TXNDC5: variants seen among roughly 807,000 people sequenced by gnomAD.
TXNDC5 encodes thioredoxin domain containing 5, also known as thioredoxin domain-containing protein 5.
A neutral mutation model predicts 52.6 loss-of-function variants in TXNDC5; 44 were observed. The ratio of observed to expected loss-of-function variants is 0.84; its 90% CI spans 0.66 to 1.08. TXNDC5 has a LOEUF of 1.08. Among genes scored for constraint, TXNDC5 ranks in the 50% least tolerant of loss-of-function variants. The probability of loss-of-function intolerance (pLI) is 0.00; values close to 1 mark genes in which losing one functional copy is unlikely to be tolerated. For synonymous variants in TXNDC5, 241 were observed against 234.4 expected, an observed-to-expected ratio of 1.03 and a Z score of -0.26; for missense variants, 600 against 565.5, an observed-to-expected ratio of 1.06 and a Z score of -0.62.
intron 2 of TXNDC5, among the ~76,000 whole-genome samples, chr6:7,902,847 AATTTGTGACTTTTTAC>A (rs955705751): frequency 5.9e-5 from 9 of 152,024 alleles, no homozygotes; most frequent in African/African-American, 2.2e-4. Context: ...GGCCTTTTTA[AATTTGTGACTTTTTAC>A]ATTTGTGACT....
rs747072122 is a variant in TXNDC5 at position 7,888,736 on chromosome 6, G to A, written c.932C>T (p.Pro311Leu). 69 of 1,613,024 alleles carry A rather than the reference G, an allele frequency of 4.3e-5. No homozygotes were observed. Among genetic ancestry groups the A allele is most frequent in the Middle Eastern group, 1.6e-4 (1 of 6,076 alleles). ...ATETVTPSEA[P>L]VLAAEPEADK... Reference sequence around the variant, plus strand: ...AGCCTCGGGCTCAGCTGCCAGCACCGGGGCCTCTGAGGGCGTGACGGTCTC... The same window carrying A: ...AGCCTCGGGCTCAGCTGCCAGCACCAGGGCCTCTGAGGGCGTGACGGTCTC... Residue 311 changes from proline (P) to leucine (L), a missense_variant, in exon 7 of 10, where the codon CCG becomes CTG. By Grantham distance (98) the Pro-to-Leu change is moderately conservative. Transcript: ENST00000379757.
intron 1 of TXNDC5, among the ~76,000 whole-genome samples, chr6:7,908,518 T>TAAA (rs10708121): frequency 6.9e-5 from 10 of 144,516 alleles, no homozygotes; most frequent in African/African-American, 2.3e-4. Context: ...AGTTTTTCTT[T>TAAA]AAAAAAAAAA....
chr6:7,891,264 G>C (rs75576242), intron 5 of TXNDC5, among the ~76,000 whole-genome samples: 50 of 152,234 alleles, frequency 3.3e-4, no homozygotes, highest in African/African-American at 1.1e-3. Flanking sequence ...CTTTTAGAGA[G>C]AGCTCTTGGG....
At chr6:7,900,997 T>A (rs1760547045) in intron 2 of TXNDC5, among the ~76,000 whole-genome samples, 1 of 152,126 alleles carries the variant, frequency 6.6e-6, no homozygotes, top group Non-Finnish European at 1.5e-5. Flanking sequence ...GTCACATGGC[T>A]AGATTAGGCT....
chr6:7,884,058 C>T (rs35871461), intron 9 of TXNDC5, among the ~76,000 whole-genome samples: 1,875 of 152,306 alleles, frequency 0.012, 15 homozygotes, highest in Middle Eastern at 0.041. Flanking sequence ...TCAAGAGTCG[C>T]GGTGTGGGAA....
chr6:7,898,815 G>C (rs1183668772), intron 3 of TXNDC5, among the ~76,000 whole-genome samples: 6 of 152,164 alleles, frequency 3.9e-5, no homozygotes, highest in Non-Finnish European at 7.3e-5. Context: ...ACATCAACTG[G>C]GGAGGGGGAG....
intron 2 of TXNDC5, among the ~76,000 whole-genome samples, chr6:7,901,310 G>A (rs1306046150): frequency 6.6e-6 from 1 of 152,178 alleles, no homozygotes; most frequent in African/African-American, 2.4e-5. Context: ...AACAGAAACT[G>A]CTTCCTGCAC....
intron 4 of TXNDC5, among the ~76,000 whole-genome samples, chr6:7,894,196 G>A (rs770095560): frequency 1.3e-4 from 20 of 152,026 alleles, no homozygotes; most frequent in Non-Finnish European, 2.9e-4. Flanking sequence ...ACAGCTCACT[G>A]CAGCCTTGAC....
intron 1 of TXNDC5, among the ~76,000 whole-genome samples, chr6:7,909,444 G>A (rs926794986): frequency 6.6e-6 from 1 of 152,246 alleles, no homozygotes; most frequent in Non-Finnish European, 1.5e-5. Context: ...ATGCTTGTGT[G>A]AATGACAGGA....
In TXNDC5 at chr6:7,888,804, C is replaced by T. The variant is rs1168435755; in HGVS notation, c.864G>A (p.Glu288=). The T allele has an allele frequency of 1.2e-6, 2 of 1,614,024 alleles. No individual in the cohort carries two copies. Among genetic ancestry groups the T allele is most frequent in the Non-Finnish European group, 1.7e-6 (2 of 1,180,000 alleles). ...KGKRDLESLR[E]YVESQLQRTE... ...TGCGCTGCAGCTGCGACTCCACGTA[C>T]TCCCTCAGTGACTCCAAATCCCGCT... Residue 288 remains glutamate (E), a synonymous_variant, in exon 7 of 10, where the codon GAG becomes GAA. Transcript: ENST00000379757.
chr6:7,883,478 A>G (rs919400893), intron 9 of TXNDC5, among the ~76,000 whole-genome samples: 2 of 151,872 alleles, frequency 1.3e-5, no homozygotes, highest in Non-Finnish European at 2.9e-5. Flanking sequence ...TCAAAATGAC[A>G]TCATTAAAGA....
chr6:7,886,272 C>G (rs1759979506), intron 7 of TXNDC5, among the ~76,000 whole-genome samples: 1 of 152,160 alleles, frequency 6.6e-6, no homozygotes, highest in African/African-American at 2.4e-5. Flanking sequence ...GGTCCCAAGC[C>G]TGGGAGATGT....
chr6:7,891,867 A>C, intron 4 of TXNDC5, 131 bp from the exon 5 acceptor site: 1 of 628,828 alleles, frequency 1.6e-6, no homozygotes, highest in South Asian at 2.0e-5. Flanking sequence ...TGAGCACTTT[A>C]ATTGGTACAA....
intron 2 of TXNDC5, among the ~76,000 whole-genome samples, chr6:7,902,795 C>T (rs1581326978): frequency 6.6e-6 from 1 of 152,120 alleles, no homozygotes; most frequent in Non-Finnish European, 1.5e-5. Flanking sequence ...CTTGGGGAGA[C>T]CAGCTCTTCT....
chr6:7,883,776 A>G (rs1759854248), intron 9 of TXNDC5, among the ~76,000 whole-genome samples: 1 of 152,202 alleles, frequency 6.6e-6, no homozygotes, highest in Non-Finnish European at 1.5e-5. Flanking sequence ...GGTTACGTCT[A>G]TTCTCCATCT....
intron 4 of TXNDC5, among the ~76,000 whole-genome samples, chr6:7,893,591 A>G (rs1299391122): frequency 1.3e-5 from 2 of 151,850 alleles, no homozygotes. Context: ...GATTTGGGAA[A>G]CACACCCTGC....
At chr6:7,885,579 C>T (rs1181725856) in intron 8 of TXNDC5, among the ~76,000 whole-genome samples, 2 of 152,224 alleles carry the variant, frequency 1.3e-5, no homozygotes, top group African/African-American at 2.4e-5. Flanking sequence ...AGCAAAGCTA[C>T]ATCATGACAC....
Position 7,910,724 on chromosome 6 carries a change from AGGGCCGCCGGCCGG to A in TXNDC5, c.39_52del (p.Arg14AspfsTer83). ...CAGCAGCAGCAGCAGCAGCGCAGTCAGGGCCGCCGGCCGGGCCAGCAGCGGGAGGAGGCGTCCTG... is the reference window on the plus strand; with the variant it reads ...CAGCAGCAGCAGCAGCAGCGCAGTCAGCCAGCAGCGGGAGGAGGCGTCCTG... On this transcript the variant is annotated frameshift_variant, in exon 1 of 10. Coordinates refer to ENST00000379757, the MANE Select transcript of TXNDC5 (RefSeq NM_030810.5). LOFTEE classifies it high-confidence loss of function. 9.6e-7 allele frequency: 1 copy of A among 1,040,130 alleles called. No homozygotes were observed. Among genetic ancestry groups the A allele is most frequent in the Non-Finnish European group, 1.2e-6 (1 of 869,218 alleles). 64.4% of individuals were successfully genotyped at this position (1,040,130 alleles called of 1,614,324 possible).
At chr6:7,892,027 T>C (rs1699779750) in intron 4 of TXNDC5, among the ~76,000 whole-genome samples, 1 of 152,248 alleles carries the variant, frequency 6.6e-6, no homozygotes, top group South Asian at 2.1e-4. Flanking sequence ...ACCTCTCCTA[T>C]ATGCACTGTA....
Sources: gnomAD v4.1 joint callset for allele counts (sites outside exome capture counted in the v4.1 genomes callset) on GRCh38, gnomAD v4.1.1 for gene constraint, MANE v1.5 for transcripts, NCBI Gene and HGNC (gene_info 2026-07-23, HGNC 2026-07-21) for gene names.